GCSAM: variants seen among roughly 807,000 people sequenced by gnomAD.
The protein encoded by GCSAM is germinal center associated signaling and motility.
A neutral mutation model predicts 17.6 loss-of-function variants in GCSAM; 8 were observed. That is an observed-to-expected ratio of 0.46 (90% CI 0.27 to 0.82). The LOEUF is 0.82. Ranked by LOEUF, GCSAM falls within the 40% of genes least tolerant of loss-of-function variation. The probability of loss-of-function intolerance (pLI) is 0.15; values close to 1 mark genes in which losing one functional copy is unlikely to be tolerated. For missense variants in GCSAM, 192 were observed against 213.5 expected (o/e 0.90, Z 0.63); for synonymous variants, 68 against 69.0 (o/e 0.98, Z 0.07).
chr3:112,127,835 AC>A (rs1338900746), intron 3 of GCSAM, among the ~76,000 whole-genome samples, 181 bp downstream of exon 3: 1 of 152,118 alleles, frequency 6.6e-6, no homozygotes, highest in Non-Finnish European at 1.5e-5. Flanking sequence ...GACCCATGAG[AC>A]TATTGTTCCT....
At chr3:112,130,612 G>A (rs1350098750) in intron 1 of GCSAM, 99 bp from the exon 2 acceptor site, 8 of 1,039,394 alleles carry the variant, frequency 7.7e-6, no homozygotes, top group Admixed American at 6.8e-5. Flanking sequence ...TGCTATTTGT[G>A]TGTAACTCAG....
At position 112,130,733 on chromosome 3, in the gene GCSAM, T is replaced by C. The variant is rs890825713; in HGVS notation, c.30-220A>G. 15 of 565,430 alleles carry C rather than the reference T, an allele frequency of 2.7e-5. No homozygotes were observed. In the Admixed American group the frequency reaches 4.1e-4, roughly 16 times the overall value. 35.0% of individuals were successfully genotyped at this position (565,430 alleles called of 1,614,324 possible). A position where few individuals can be genotyped will look rare whatever the true frequency, so the allele number is the denominator to read the frequency against. ...TGCCACAGCAACAGCCCACTGATGT[T>C]CTCCAACCTCCATGAACAAGTGATC... On this transcript the variant is annotated intron_variant, in intron 1 of 5. Transcript: ENST00000308910.
chr3:112,130,417 G>C, intron 2 of GCSAM, 28 bp downstream of exon 2: 1 of 1,592,920 alleles, frequency 6.3e-7, no homozygotes, highest in African/African-American at 1.3e-5. Flanking sequence ...GCAAGGTCTG[G>C]GGGGTGTTTG....
At position 112,123,687 on chromosome 3, in the gene GCSAM, G is replaced by A. The variant is rs147553964; in HGVS notation, c.305C>T (p.Ser102Phe). The change falls in exon 6 of 6, where the codon TCT becomes TTT. Residue 102 changes from serine (S) to phenylalanine (F), a missense_variant. Ser to Phe is a radical substitution (Grantham distance 155). Coordinates refer to ENST00000308910, the MANE Select transcript of GCSAM (RefSeq NM_152785.5). Reference protein sequence around the residue: ...RVLCTRPSGNSAEEYYENVPC... With the variant: ...RVLCTRPSGNFAEEYYENVPC... The stretch of plus-strand genomic sequence containing the variant: ...AACATTCTCATAGTACTCTTCAGCA[G>A]AGTTCCCTGATGGCCTTGTACAGAG... The A allele has an allele frequency of 6.8e-5, 109 of 1,614,150 alleles. 2 individuals carry two copies. In the African/African-American group the frequency reaches 1.4e-3, roughly 21 times the overall value.
chr3:112,123,335 G>A lies in GCSAM; in HGVS notation c.*120C>T. 3 of 1,501,364 alleles carry A rather than the reference G, an allele frequency of 2.0e-6. No individual in the cohort carries two copies. Among genetic ancestry groups the A allele is most frequent in the South Asian group, 1.4e-5 (1 of 72,682 alleles). 93.0% of individuals were successfully genotyped at this position (1,501,364 alleles called of 1,614,324 possible). The stretch of plus-strand genomic sequence containing the variant: ...GTGGTATACAAACCATGCTCTGCAG[G>A]GAAAGGGTTGTTGTGGGAGATAAGC... On this transcript the variant is annotated 3_prime_UTR_variant, in exon 6 of 6. Coordinates refer to ENST00000308910, the MANE Select transcript of GCSAM (RefSeq NM_152785.5).
rs1363271031 is a variant in GCSAM, at chr3:112,133,158, A to C, written c.-38T>G. On this transcript the variant is annotated 5_prime_UTR_variant, in exon 1 of 6. Coordinates refer to ENST00000308910, the MANE Select transcript of GCSAM (RefSeq NM_152785.5). The stretch of plus-strand genomic sequence containing the variant: ...CTCAGGGCTTCCCCTCCGTCCCTTT[A>C]CCACTTCCTTCTTGCCTTGTGCTCT... 1 of 1,611,736 alleles carries C rather than the reference A, an allele frequency of 6.2e-7. No individual in the cohort carries two copies. The highest frequency in any genetic ancestry group is 8.5e-7 in the Non-Finnish European group (1 of 1,178,262).
chr3:112,130,363 C>T (rs1402382917), intron 2 of GCSAM, 82 bp downstream of exon 2: 2 of 1,086,544 alleles, frequency 1.8e-6, no homozygotes, highest in Non-Finnish European at 2.9e-6. Flanking sequence ...CCCTCTCTCA[C>T]TGGGATGTGA....
intron 4 of GCSAM, 41 bp downstream of exon 4, chr3:112,126,946 G>C (rs2074334999): frequency 1.5e-6 from 2 of 1,351,680 alleles, no homozygotes; most frequent in Non-Finnish European, 2.1e-6. Context: ...GGAAATGTAA[G>C]TCTTATCAAA....
At chr3:112,128,515 A>G (rs1576168202) in intron 2 of GCSAM, 1 of 303,526 alleles carries the variant, frequency 3.3e-6, no homozygotes, top group East Asian at 8.1e-5. Flanking sequence ...TCTATATTCT[A>G]CACTAGAATG....
At chr3:112,132,668 C>T (rs1052104955) in intron 1 of GCSAM, 65 of 987,358 alleles carry the variant, frequency 6.6e-5, no homozygotes, top group Non-Finnish European at 7.3e-5. Context: ...CAAAGGAAGA[C>T]TCAAGGTGGC....
intron 1 of GCSAM, among the ~76,000 whole-genome samples, chr3:112,131,219 A>T (rs1368916366): frequency 6.6e-6 from 1 of 152,196 alleles, no homozygotes; most frequent in African/African-American, 2.4e-5. Context: ...ATGCTAGGCA[A>T]CTGGTCTGAG....
rs781470750 is a variant in GCSAM at position 112,126,997 on chromosome 3, G to A, written c.180C>T (p.Ser60=). Reference sequence around the variant, plus strand: ...AAATCAATGACTTACTTTCGTTTTGGGAATCTTGCCTCTTTTCAAAAATGA... The same window carrying A: ...AAATCAATGACTTACTTTCGTTTTGAGAATCTTGCCTCTTTTCAAAAATGA... ...KILIFEKRQD[S]QNENERMSST... is the part of the protein sequence containing the mutation. The change falls in exon 4 of 6, where the codon TCC becomes TCT. Residue 60 remains serine, a synonymous_variant. Transcript: ENST00000308910. 1.9e-6 allele frequency: 3 copies of A among 1,588,360 alleles called. No homozygotes were observed. The highest frequency in any genetic ancestry group is 2.6e-6 in the Non-Finnish European group (3 of 1,161,412).
intron 1 of GCSAM, among the ~76,000 whole-genome samples, chr3:112,131,385 G>C (rs1559988218): frequency 1.3e-5 from 2 of 152,148 alleles, no homozygotes; most frequent in Non-Finnish European, 2.9e-5. Context: ...CACGGTTGGG[G>C]GGGTATGCTG....
intron 1 of GCSAM, among the ~76,000 whole-genome samples, chr3:112,132,026 A>G (rs1437084814): frequency 6.6e-6 from 1 of 152,200 alleles, no homozygotes; most frequent in Non-Finnish European, 1.5e-5. Context: ...AATGCCAGGA[A>G]CCAGGAATTC....
Position 112,123,754 on chromosome 3 carries a change from A to G in GCSAM, c.238T>C (p.Tyr80His), listed in dbSNP as rs750227000. ...AGGGTATAGCACAGCTCCTCTGAGT[A>G]GGTCTGGTCAACATTGTCCTGCTTG... ...TPIQDNVDQT[Y>H]SEELCYTLIN... The change falls in exon 6 of 6, where the codon TAC (tyrosine) becomes CAC (histidine). Residue 80 changes from tyrosine to histidine, a missense_variant. Transcript: ENST00000308910. 9 of 1,612,980 alleles carry G rather than the reference A, an allele frequency of 5.6e-6. No homozygotes were observed. The highest frequency in any genetic ancestry group is 7.6e-6 in the Non-Finnish European group (9 of 1,179,196).
At position 112,123,715 on chromosome 3, in the gene GCSAM, C is replaced by T. The variant is rs570762149; in HGVS notation, c.277G>A (p.Val93Ile). 10 of 1,614,058 alleles carry T rather than the reference C, an allele frequency of 6.2e-6. No homozygotes were observed. The South Asian group carries it at 9.9e-5, about 16-fold the overall frequency. The stretch of plus-strand genomic sequence containing the variant: ...TTCCCTGATGGCCTTGTACAGAGAA[C>T]CCGATGATTGATGAGGGTATAGCAC... ...ELCYTLINHR[V>I]LCTRPSGNSA... is the part of the protein sequence containing the mutation. The change falls in exon 6 of 6, where the codon GTT becomes ATT. Residue 93 changes from valine to isoleucine, a missense_variant. By Grantham distance (29) the Val-to-Ile change is conservative. Transcript: ENST00000308910.
At chr3:112,130,603 G>A (rs2107813717) in intron 1 of GCSAM, 90 bp from the exon 2 acceptor site, 1 of 1,139,466 alleles carries the variant, frequency 8.8e-7, no homozygotes, top group Non-Finnish European at 1.3e-6. Flanking sequence ...CCTCATTTCT[G>A]CTATTTGTGT....
intron 4 of GCSAM, among the ~76,000 whole-genome samples, chr3:112,125,833 C>G (rs564295982): frequency 1.3e-5 from 2 of 152,288 alleles, no homozygotes; most frequent in African/African-American, 2.4e-5. Context: ...TACCTGCTGG[C>G]AGATAACAAA....
At chr3:112,124,503 G>GGAGGCT (rs2074266263) in intron 5 of GCSAM, among the ~76,000 whole-genome samples, 1 of 152,142 alleles carries the variant, frequency 6.6e-6, no homozygotes, top group African/African-American at 2.4e-5. Flanking sequence ...CAGCTACTGG[G>GGAGGCT]GAGGCTGAGG....
Sources: allele counts gnomAD v4.1 joint callset (sites outside exome capture counted in the v4.1 genomes callset), GRCh38; gene constraint gnomAD v4.1.1; transcripts MANE v1.5; gene names NCBI Gene and HGNC (gene_info 2026-07-23, HGNC 2026-07-21).